Variants in SLC39A13 observed in about 807,000 individuals in gnomAD.
The protein encoded by SLC39A13 is solute carrier family 39 member 13, also known as zinc transporter ZIP13.
A neutral mutation model predicts 38.7 loss-of-function variants in SLC39A13; 18 were observed. The ratio of observed to expected loss-of-function variants is 0.47; its 90% CI spans 0.32 to 0.69. The LOEUF is 0.69. Ranked by LOEUF, SLC39A13 falls within the 30% of genes least tolerant of loss-of-function variation. The pLI, the probability that SLC39A13 is intolerant of heterozygous loss-of-function variation, is 0.03. For synonymous variants in SLC39A13, 212 were observed against 219.1 expected (o/e 0.97, Z 0.29); for missense variants, 395 against 490.7 (o/e 0.80, Z 1.84).
chr11:47,413,699 G>A lies in SLC39A13; in HGVS notation c.735+13G>A, dbSNP rs773925815. On this transcript the variant is annotated intron_variant, in intron 6 of 9. Transcript: ENST00000362021. ...TGTGAGCAAGAAGGTGAGGGGCTTG[G>A]GGCCAGTGGGGCTCTGGCGATTCCA... 9 of 1,612,852 alleles carry A rather than the reference G, an allele frequency of 5.6e-6. No individual in the cohort carries two copies. In the South Asian group the frequency reaches 8.8e-5, roughly 16 times the overall value.
At chr11:47,414,312 C>A in intron 6 of SLC39A13, 113 bp from the exon 7 acceptor site, 2 of 1,238,742 alleles carry the variant, frequency 1.6e-6, no homozygotes, top group Non-Finnish European at 2.3e-6. Flanking sequence ...GTGGCCAACA[C>A]AGTGCCCACC....
Position 47,415,178 on chromosome 11 carries a change from G to T in SLC39A13, c.1040+19G>T, listed in dbSNP as rs749525550. 25 of 1,611,360 alleles carry T rather than the reference G, an allele frequency of 1.6e-5. No individual in the cohort carries two copies. Among genetic ancestry groups the T allele is most frequent in the Non-Finnish European group, 2.1e-5 (25 of 1,178,838 alleles). Reference sequence around the variant, plus strand: ...ACCCGTGGTGAGTGACCTGTTGGAGGAAGAGGACTGCCACTCACAGGGCCC... The same window carrying T: ...ACCCGTGGTGAGTGACCTGTTGGAGTAAGAGGACTGCCACTCACAGGGCCC... On this transcript the variant is annotated intron_variant, in intron 9 of 9. Coordinates refer to ENST00000362021, the MANE Select transcript of SLC39A13 (RefSeq NM_001128225.3).
rs1595880874 is a variant in SLC39A13, at chr11:47,411,920, T to C, written c.302-6T>C. On this transcript the variant is annotated splice_polypyrimidine_tract_variant and splice_region_variant and intron_variant, in intron 2 of 9. Transcript: ENST00000362021. ...AGCCCCCAGACCCCGCATCTCTCCCTTGTAGCTGGGGCCTGGCGCCTGAAG... is the reference window on the plus strand; with the variant it reads ...AGCCCCCAGACCCCGCATCTCTCCCCTGTAGCTGGGGCCTGGCGCCTGAAG... 6.2e-7 allele frequency: 1 copy of C among 1,612,098 alleles called. No individual in the cohort carries two copies. Among genetic ancestry groups the C allele is most frequent in the Non-Finnish European group, 8.5e-7 (1 of 1,179,214 alleles).
intron 3 of SLC39A13, 84 bp downstream of exon 3, chr11:47,412,123 G>C (rs1425726065): frequency 2.4e-5 from 35 of 1,453,366 alleles, no homozygotes; most frequent in Middle Eastern, 2.3e-4. Flanking sequence ...AGGATGACCA[G>C]GAGAGGGATT....
chr11:47,415,289 C>T lies in SLC39A13; in HGVS notation c.1042C>T (p.Arg348Cys), dbSNP rs1565669078. 14 of 1,613,978 alleles carry T rather than the reference C, an allele frequency of 8.7e-6. No individual in the cohort carries two copies. The highest frequency in any genetic ancestry group is 1.1e-5 in the South Asian group (1 of 91,082). ...CCGTGAGCCGTTCCCTCCCCACAGG[C>T]GCTCCCTGCAGCAGCTGCTTCTGCT... ...PDLLEEEDPW[R>C]SLQQLLLLCA... is the part of the protein sequence containing the mutation. Residue 348 changes from arginine (R) to cysteine (C), a missense_variant and splice_region_variant, in exon 10 of 10, where the codon CGC becomes TGC. Physicochemically the swap from Arg to Cys is radical, Grantham distance 180 (BLOSUM62 -3). Coordinates refer to ENST00000362021, the MANE Select transcript of SLC39A13 (RefSeq NM_001128225.3).
chr11:47,409,772 G>T lies in SLC39A13; in HGVS notation c.-8-315G>T, dbSNP rs569397336. Reference sequence around the variant, plus strand: ...CAGCCAGAGACACCCAGCTGGGCCGGGCCGTGCCGCCGGTGGCTGAGGAGA... The same window carrying T: ...CAGCCAGAGACACCCAGCTGGGCCGTGCCGTGCCGCCGGTGGCTGAGGAGA... On this transcript the variant is annotated intron_variant, in intron 1 of 9. Coordinates refer to ENST00000362021, the MANE Select transcript of SLC39A13 (RefSeq NM_001128225.3). 2.0e-3 allele frequency: 701 copies of T among 342,790 alleles called. 1 individual carries two copies. Among genetic ancestry groups the T allele is most frequent in the Middle Eastern group, 8.2e-3 (9 of 1,098 alleles). The allele number at this position is 342,790 out of a possible 1,614,324, so 21.2% of individuals were successfully genotyped here.
At chr11:47,408,083 C>T (rs2095978381), upstream of SLC39A13, among the ~76,000 whole-genome samples, 1 of 152,258 alleles carries the variant, frequency 6.6e-6, no homozygotes. Context: ...GTTCCCGGGG[C>T]CAGGCCCCTC....
chr11:47,410,452 G>T (rs1441789472), intron 2 of SLC39A13, 57 bp downstream of exon 2: 5 of 1,598,500 alleles, frequency 3.1e-6, no homozygotes, highest in Non-Finnish European at 4.3e-6. Context: ...GCATGCTGCT[G>T]CTCTTCTTAG....
chr11:47,415,935 C>T lies in SLC39A13; in HGVS notation c.*572C>T. On this transcript the variant is annotated 3_prime_UTR_variant, in exon 10 of 10. Coordinates refer to ENST00000362021, the MANE Select transcript of SLC39A13 (RefSeq NM_001128225.3). ...CCCACTCAGCACTGACAGTCCCCAG[C>T]TCCTAGTAGTGAGCTGGGAGGCGCT... 1 of 175,722 alleles carries T rather than the reference C, an allele frequency of 5.7e-6. No homozygotes were observed. Among genetic ancestry groups the T allele is most frequent in the Non-Finnish European group, 1.2e-5 (1 of 81,138 alleles). 10.9% of individuals were successfully genotyped at this position (175,722 alleles called of 1,614,324 possible). A position where few individuals can be genotyped will look rare whatever the true frequency, so the allele number is the denominator to read the frequency against.
At chr11:47,410,671 T>G (rs557280857) in intron 2 of SLC39A13, among the ~76,000 whole-genome samples, 1 of 152,166 alleles carries the variant, frequency 6.6e-6, no homozygotes, top group African/African-American at 2.4e-5. Context: ...TGACTACCCT[T>G]TTGTACCATG....
chr11:47,414,397 C>T, intron 6 of SLC39A13, 28 bp from the exon 7 acceptor site: 2 of 1,598,500 alleles, frequency 1.3e-6, no homozygotes. Flanking sequence ...CAACACAGAC[C>T]CCGCAGCCAC....
chr11:47,413,775 C>T (rs1264278004), intron 6 of SLC39A13, 89 bp downstream of exon 6: 1 of 1,416,710 alleles, frequency 7.1e-7, no homozygotes, highest in South Asian at 1.2e-5. Context: ...CTTCTTGCCC[C>T]TCCATTGCCA....
In SLC39A13 at chr11:47,412,029, C is replaced by T. The variant is rs371063274; in HGVS notation, c.405C>T (p.Ser135=). 28 of 1,609,972 alleles carry T rather than the reference C, an allele frequency of 1.7e-5. No individual in the cohort carries two copies. Among genetic ancestry groups the T allele is most frequent in the Middle Eastern group, 3.4e-4 (2 of 5,830 alleles). The stretch of plus-strand genomic sequence containing the variant: ...CCGAAGCCTGGGCCTACACGTGCAG[C>T]GCCAGCCCTGGTAAGTGAGGCCACA... ...LLPEAWAYTC[S]ASPGGEGQSL... is the part of the protein sequence containing the mutation. Residue 135 remains serine, a synonymous_variant, in exon 3 of 10, where the codon AGC becomes AGT. Coordinates refer to ENST00000362021, the MANE Select transcript of SLC39A13 (RefSeq NM_001128225.3).
At chr11:47,414,338 G>A in intron 6 of SLC39A13, 87 bp from the exon 7 acceptor site, 1 of 1,474,250 alleles carries the variant, frequency 6.8e-7, no homozygotes, top group Non-Finnish European at 9.3e-7. Flanking sequence ...CCAGCTCAGA[G>A]CAGAGTAAAC....
intron 8 of SLC39A13, 34 bp from the exon 9 acceptor site, chr11:47,415,005 G>T: frequency 1.2e-6 from 2 of 1,611,940 alleles, no homozygotes; most frequent in African/African-American, 2.7e-5. Context: ...AGGCCCGGGA[G>T]GTGGGGAGCA....
chr11:47,410,111 G>GC lies in SLC39A13; in HGVS notation c.20dup (p.Gly8TrpfsTer134). ...GTACGTGGCATGCCTGGATGTCCCT[G>GC]CCCTGGCTGTGGCATGGCGGGCCCA... On this transcript the variant is annotated frameshift_variant, in exon 2 of 10. Coordinates refer to ENST00000362021, the MANE Select transcript of SLC39A13 (RefSeq NM_001128225.3). LOFTEE classifies it high-confidence loss of function. 1 of 1,613,276 alleles carries GC rather than the reference G, an allele frequency of 6.2e-7. No homozygotes were observed. The highest frequency in any genetic ancestry group is 8.5e-7 in the Non-Finnish European group (1 of 1,180,014).
intron 4 of SLC39A13, among the ~76,000 whole-genome samples, chr11:47,413,149 GTAGCTGGGACCACGCCCAGC>G (rs1266020936): frequency 1.3e-5 from 2 of 152,170 alleles, no homozygotes; most frequent in African/African-American, 4.8e-5. Context: ...AGCCTCCCAA[GTAGCTGGGACCACGCCCAGC>G]TAATTTTTGT....
intron 1 of SLC39A13, 47 bp from the exon 2 acceptor site, chr11:47,410,040 T>G (rs1565659472): frequency 6.2e-7 from 1 of 1,607,644 alleles, no homozygotes; most frequent in South Asian, 1.1e-5. Context: ...TAAGCAGGTG[T>G]GCGGCCAAGG....
rs368796707 is a variant in SLC39A13 at position 47,410,212 on chromosome 11, C to T, written c.118C>T (p.Arg40Trp). 6.9e-5 allele frequency: 112 copies of T among 1,613,956 alleles called. 1 individual carries two copies. In the Middle Eastern group the frequency reaches 2.3e-3, roughly 33 times the overall value. ...GGGTTCCCAGCCGGCCCTCCGGAGC[C>T]GGGGGACTGCGACGGCCTGTCGCCT... is the stretch of plus-strand genomic sequence containing the variant. ...AGGSQPALRS[R>W]GTATACRLDN... The change falls in exon 2 of 10, where the codon CGG becomes TGG. Residue 40 changes from arginine to tryptophan, a missense_variant. Arg to Trp is a moderately radical substitution (Grantham distance 101). Transcript: ENST00000362021.
Sources: allele counts gnomAD v4.1 joint callset (sites outside exome capture counted in the v4.1 genomes callset), GRCh38; gene constraint gnomAD v4.1.1; transcripts MANE v1.5; gene names NCBI Gene and HGNC (gene_info 2026-07-23, HGNC 2026-07-21).